ZBTB20: variants seen among roughly 807,000 people sequenced by gnomAD.
ZBTB20 encodes the protein zinc finger and BTB domain-containing protein 20.
Under a neutral mutation model 56.9 loss-of-function variants are expected in ZBTB20, and 9 were observed. The observed-to-expected ratio is 0.16, with a 90% CI of 0.10 to 0.28. The LOEUF (loss-of-function observed/expected upper bound fraction) is 0.28, where lower values mean the gene tolerates loss of function less well. Ranked by LOEUF, ZBTB20 falls within the 10% of genes least tolerant of loss-of-function variation. The pLI, the probability that ZBTB20 is intolerant of heterozygous loss-of-function variation, is 1.00. For missense variants in ZBTB20, 655 were observed against 1,003.0 expected (o/e 0.65, Z 4.69); for synonymous variants, 417 against 420.7 (o/e 0.99, Z 0.11).
chr3:114,976,392 G>A (rs569281671), intron 2 of ZBTB20, among the ~76,000 whole-genome samples: 2 of 152,246 alleles, frequency 1.3e-5, no homozygotes, highest in South Asian at 2.1e-4. Flanking sequence ...TCGGGAGGCC[G>A]AGGCAGGCGG....
intron 5 of ZBTB20, among the ~76,000 whole-genome samples, chr3:114,717,199 T>C (rs1375994335): frequency 6.6e-6 from 1 of 152,142 alleles, no homozygotes; most frequent in East Asian, 1.9e-4. Context: ...ACTAACAAGA[T>C]GTGTGTGTTT....
chr3:115,128,971 C>A (rs1002056262), intron 1 of ZBTB20, among the ~76,000 whole-genome samples: 5 of 151,910 alleles, frequency 3.3e-5, no homozygotes, highest in African/African-American at 1.2e-4. Flanking sequence ...TGGTGTCGGG[C>A]GCCTGTAGTC....
At position 114,928,413 on chromosome 3, in the gene ZBTB20, G is replaced by C. The variant is rs1027669732; in HGVS notation, c.-455-28071C>G. Among the ~76,000 whole-genome samples, 3 of 151,410 alleles carry C rather than the reference G, an allele frequency of 2.0e-5. No individual in the cohort carries two copies. In the Admixed American group the frequency reaches 2.0e-4, roughly 10 times the overall value. On this transcript the variant is annotated intron_variant, in intron 3 of 11. Transcript: ENST00000675478. Reference sequence around the variant, plus strand: ...GTTCTTCAATGATGGAGAACCTCAAGGTTCTTCAATGATGGAGAACCTCAA... The same window carrying C: ...GTTCTTCAATGATGGAGAACCTCAACGTTCTTCAATGATGGAGAACCTCAA...
chr3:114,889,199 T>A (rs2076716345), intron 4 of ZBTB20, among the ~76,000 whole-genome samples: 1 of 151,944 alleles, frequency 6.6e-6, no homozygotes, highest in Non-Finnish European at 1.5e-5. Context: ...TAATTTCCCT[T>A]AAAGACTCTC....
chr3:114,961,636 G>A (rs2077455209), intron 3 of ZBTB20, among the ~76,000 whole-genome samples: 1 of 152,056 alleles, frequency 6.6e-6, no homozygotes, highest in Admixed American at 6.6e-5. Flanking sequence ...CTGTAGTAGT[G>A]CAACTAATGA....
intron 5 of ZBTB20, among the ~76,000 whole-genome samples, chr3:114,704,589 C>CT (rs2063598074): frequency 1.3e-5 from 2 of 152,254 alleles, no homozygotes; most frequent in Non-Finnish European, 2.9e-5. Context: ...GTCTGCCATA[C>CT]TTGGCTGTTG....
chr3:114,787,362 T>TAC lies in ZBTB20; in HGVS notation c.-343+13738_-343+13739insGT, dbSNP rs1165510633. Among the ~76,000 whole-genome samples, 21 of 71,386 alleles carry TAC rather than the reference T, an allele frequency of 2.9e-4. 1 individual carries two copies. The highest frequency in any genetic ancestry group is 7.3e-4 in the East Asian group (2 of 2,746). 46.8% of individuals were successfully genotyped at this position (71,386 alleles called of 152,430 possible). On this transcript the variant is annotated intron_variant, in intron 5 of 11. Coordinates refer to ENST00000675478, the MANE Select transcript of ZBTB20 (RefSeq NM_001348800.3). ...ATATATATATATATATATATATATA[T>TAC]ATATATACACACACACACACACACA...
intron 6 of ZBTB20, among the ~76,000 whole-genome samples, chr3:114,600,005 C>A (rs2056638749): frequency 6.6e-6 from 1 of 151,926 alleles, no homozygotes; most frequent in Non-Finnish European, 1.5e-5. Flanking sequence ...TCTAAGACTT[C>A]ATTTTCCTCA....
At chr3:114,551,028 C>T (rs2050511945) in intron 6 of ZBTB20, among the ~76,000 whole-genome samples, 1 of 152,120 alleles carries the variant, frequency 6.6e-6, no homozygotes, top group South Asian at 2.1e-4. Context: ...TGGAATTATA[C>T]ACATAAGCCA....
intron 6 of ZBTB20, among the ~76,000 whole-genome samples, chr3:114,597,488 T>C (rs919827413): frequency 8.5e-5 from 13 of 152,206 alleles, no homozygotes; most frequent in African/African-American, 2.7e-4. Flanking sequence ...CACTGTGCCA[T>C]TGAAAGCAGT....
chr3:115,065,157 T>C (rs1416202136), intron 2 of ZBTB20, among the ~76,000 whole-genome samples: 1 of 152,176 alleles, frequency 6.6e-6, no homozygotes, highest in Non-Finnish European at 1.5e-5. Flanking sequence ...TTTGCTCTAT[T>C]TTCAGGAAAA....
At chr3:114,636,720 AT>A (rs925208800) in intron 6 of ZBTB20, among the ~76,000 whole-genome samples, 15 of 152,088 alleles carry the variant, frequency 9.9e-5, no homozygotes, top group Admixed American at 9.2e-4. Context: ...ACAAAAGATA[AT>A]CAAATCACAA....
intron 1 of ZBTB20, among the ~76,000 whole-genome samples, chr3:115,135,495 TTAAG>T (rs1417494062): frequency 6.6e-6 from 1 of 152,152 alleles, no homozygotes; most frequent in Admixed American, 6.5e-5. Context: ...ATTAATCACT[TTAAG>T]TAAGCTTTAA....
At chr3:114,431,052 C>T (rs1275672235) in intron 7 of ZBTB20, among the ~76,000 whole-genome samples, 1 of 151,124 alleles carries the variant, frequency 6.6e-6, no homozygotes, top group Non-Finnish European at 1.5e-5. Context: ...CTCCCTGTGC[C>T]CCTCCATCCA....
intron 6 of ZBTB20, among the ~76,000 whole-genome samples, chr3:114,594,144 C>A (rs2056086358): frequency 6.6e-6 from 1 of 151,948 alleles, no homozygotes; most frequent in African/African-American, 2.4e-5. Flanking sequence ...ATCTTGCCTA[C>A]TTTAGGCAAA....
chr3:114,832,584 T>C (rs2073910849), intron 4 of ZBTB20, among the ~76,000 whole-genome samples: 1 of 152,148 alleles, frequency 6.6e-6, no homozygotes, highest in South Asian at 2.1e-4. Flanking sequence ...GCACAATGCA[T>C]TATTCTATAA....
intron 5 of ZBTB20, among the ~76,000 whole-genome samples, chr3:114,736,365 T>C (rs2066158098): frequency 6.6e-6 from 1 of 152,210 alleles, no homozygotes; most frequent in Non-Finnish European, 1.5e-5. Flanking sequence ...GTTATTTTTT[T>C]AATATGACTT....
At chr3:114,465,362 AG>A (rs2092500405) in intron 7 of ZBTB20, among the ~76,000 whole-genome samples, 1 of 152,214 alleles carries the variant, frequency 6.6e-6, no homozygotes, top group African/African-American at 2.4e-5. Flanking sequence ...AGTTTGGTCC[AG>A]AACAAAAGTC....
intron 4 of ZBTB20, among the ~76,000 whole-genome samples, chr3:114,870,167 T>C (rs946003178): frequency 6.6e-6 from 1 of 152,156 alleles, no homozygotes; most frequent in African/African-American, 2.4e-5. Context: ...TTGTCTTACT[T>C]GCTAACATTT....
Sources: gnomAD v4.1 joint callset for allele counts (sites outside exome capture counted in the v4.1 genomes callset) on GRCh38, gnomAD v4.1.1 for gene constraint, MANE v1.5 for transcripts, NCBI Gene and HGNC (gene_info 2026-07-23, HGNC 2026-07-21) for gene names.